Variants in NKAIN3 observed in about 807,000 individuals in gnomAD.
The protein encoded by NKAIN3 is sodium/potassium-transporting ATPase subunit beta-1-interacting protein 3.
A neutral mutation model predicts 30.2 loss-of-function variants in NKAIN3; 25 were observed. The observed-to-expected ratio is 0.83, with a 90% CI of 0.60 to 1.16. NKAIN3 has a LOEUF of 1.16. Among genes scored for constraint, NKAIN3 ranks in the 50% most tolerant of loss-of-function variants. NKAIN3 has a pLI of 0.00. For synonymous variants in NKAIN3, 91 were observed against 89.6 expected, an observed-to-expected ratio of 1.02 and a Z score of -0.09; for missense variants, 225 against 254.1, an observed-to-expected ratio of 0.89 and a Z score of 0.78.
chr8:62,701,372 C>A (rs2130468386), intron 3 of NKAIN3, among the ~76,000 whole-genome samples: 1 of 152,254 alleles, frequency 6.6e-6, no homozygotes, highest in Middle Eastern at 3.4e-3. Flanking sequence ...GCTTTAGTCA[C>A]GCTTTGTAAC....
intron 4 of NKAIN3, among the ~76,000 whole-genome samples, chr8:62,786,091 A>G (rs556040034): frequency 8.5e-4 from 130 of 152,170 alleles, no homozygotes; most frequent in Non-Finnish European, 1.6e-3. Flanking sequence ...CAACAAAAAG[A>G]AAAAAGTGCT....
chr8:62,823,052 G>T (rs1055068816), intron 4 of NKAIN3, among the ~76,000 whole-genome samples: 1 of 152,160 alleles, frequency 6.6e-6, no homozygotes, highest in African/African-American at 2.4e-5. Flanking sequence ...CACTTAGCAT[G>T]AGTGGAGCAT....
intron 4 of NKAIN3, among the ~76,000 whole-genome samples, chr8:62,899,488 C>A (rs1821535196): frequency 6.6e-6 from 1 of 152,020 alleles, no homozygotes; most frequent in African/African-American, 2.4e-5. Flanking sequence ...ATAAGCCAGG[C>A]ACAGAAAGAC....
intron 4 of NKAIN3, among the ~76,000 whole-genome samples, chr8:62,851,882 A>C (rs1379103149): frequency 6.6e-6 from 1 of 152,178 alleles, no homozygotes. Flanking sequence ...GGATTTTTGC[A>C]GCAATGTTCA....
rs141712429 is a variant in NKAIN3, at chr8:62,423,425, TTA to T, written c.55-156100_55-156099del. ...TCTCTATGTATATATAACATTCATA[TTA>T]TATATATATATATTATTTATACATA... On this transcript the variant is annotated intron_variant, in intron 1 of 6. Coordinates refer to ENST00000623646, the MANE Select transcript of NKAIN3 (RefSeq NM_001304533.3). Among the ~76,000 whole-genome samples the T allele has an allele frequency of 2.9e-3, 425 of 148,222 alleles. 3 individuals are homozygous for T. The highest frequency in any genetic ancestry group is 7.4e-3 in the African/African-American group (304 of 40,822).
rs150030746 is a variant in NKAIN3 at position 62,292,755 on chromosome 8, T to C, written c.54+43628T>C. Among the ~76,000 whole-genome samples the C allele has an allele frequency of 3.0e-3, 462 of 152,324 alleles. 4 individuals are homozygous for C. The highest frequency in any genetic ancestry group is 0.01 in the African/African-American group (428 of 41,580). On this transcript the variant is annotated intron_variant, in intron 1 of 6. Coordinates refer to ENST00000623646, the MANE Select transcript of NKAIN3 (RefSeq NM_001304533.3). ...TTGAATATCTTTGTGGTGTTCTCTGTATTTCCTGAATTTGAATGTTGGCCT... is the reference window on the plus strand; with the variant it reads ...TTGAATATCTTTGTGGTGTTCTCTGCATTTCCTGAATTTGAATGTTGGCCT...
intron 1 of NKAIN3, among the ~76,000 whole-genome samples, chr8:62,463,992 A>G (rs574868405): frequency 4.0e-5 from 6 of 149,388 alleles, no homozygotes; most frequent in Non-Finnish European, 9.0e-5. Context: ...GATACACACA[A>G]AACTGGGGAT....
chr8:62,510,295 G>T (rs1807779524), intron 1 of NKAIN3, among the ~76,000 whole-genome samples: 1 of 152,030 alleles, frequency 6.6e-6, no homozygotes, highest in South Asian at 2.1e-4. Context: ...AAACTGAAAG[G>T]GCATTAAGGG....
At chr8:62,864,141 GA>G in intron 4 of NKAIN3, 2 of 622,374 alleles carry the variant, frequency 3.2e-6, no homozygotes. Flanking sequence ...CGCGAGCGCG[GA>G]AACCAGCCGG....
At chr8:62,537,335 T>A (rs1808696332) in intron 1 of NKAIN3, among the ~76,000 whole-genome samples, 1 of 152,170 alleles carries the variant, frequency 6.6e-6, no homozygotes, top group African/African-American at 2.4e-5. Context: ...ACTTAGGGAA[T>A]ACCAATAAGG....
At chr8:62,906,158 C>A (rs1821768497) in intron 4 of NKAIN3, among the ~76,000 whole-genome samples, 2 of 152,132 alleles carry the variant, frequency 1.3e-5, no homozygotes, top group Non-Finnish European at 2.9e-5. Flanking sequence ...CTTGTGTTGC[C>A]CTCTGCACTG....
At chr8:62,987,520 G>A (rs1424904107), downstream of NKAIN3, among the ~76,000 whole-genome samples, 2 of 152,138 alleles carry the variant, frequency 1.3e-5, no homozygotes, top group Non-Finnish European at 2.9e-5. Context: ...GAGGAGCAAA[G>A]GCACGTCTTA....
chr8:62,257,286 C>T (rs747801729), intron 1 of NKAIN3, among the ~76,000 whole-genome samples: 39 of 152,168 alleles, frequency 2.6e-4, no homozygotes, highest in Non-Finnish European at 4.7e-4. Context: ...ATGACTTAAG[C>T]CTCCCTGACA....
intron 3 of NKAIN3, among the ~76,000 whole-genome samples, chr8:62,738,694 T>G (rs1815759712): frequency 6.6e-6 from 1 of 151,996 alleles, no homozygotes; most frequent in Non-Finnish European, 1.5e-5. Context: ...TCTTGTAAAT[T>G]TATTTAAGTT....
chr8:62,338,540 T>G (rs552255521), intron 1 of NKAIN3, among the ~76,000 whole-genome samples: 1 of 152,082 alleles, frequency 6.6e-6, no homozygotes, highest in Admixed American at 6.6e-5. Flanking sequence ...AATTTTAAGG[T>G]CAGCTCTTAT....
At chr8:62,707,501 T>A (rs1171365064) in intron 3 of NKAIN3, among the ~76,000 whole-genome samples, 2 of 152,184 alleles carry the variant, frequency 1.3e-5, no homozygotes, top group African/African-American at 4.8e-5. Flanking sequence ...TTTTTTCATA[T>A]GTTTGTTGGC....
chr8:62,560,729 T>C (rs1195111973), intron 1 of NKAIN3, among the ~76,000 whole-genome samples: 2 of 151,504 alleles, frequency 1.3e-5, no homozygotes, highest in South Asian at 2.1e-4. Flanking sequence ...TTAGTAGAGA[T>C]GGGGTTTCAC....
intron 1 of NKAIN3, among the ~76,000 whole-genome samples, chr8:62,398,481 A>C (rs1817836082): frequency 6.6e-6 from 1 of 152,260 alleles, no homozygotes; most frequent in African/African-American, 2.4e-5. Flanking sequence ...AAGAACTTCC[A>C]TTGCATAGGC....
chr8:62,844,953 C>A (rs1172439259), intron 4 of NKAIN3, among the ~76,000 whole-genome samples: 5 of 151,944 alleles, frequency 3.3e-5, no homozygotes, highest in African/African-American at 1.2e-4. Flanking sequence ...GTGCTCTGCA[C>A]CCTCCCGTTC....
Sources: allele counts gnomAD v4.1 joint callset (sites outside exome capture counted in the v4.1 genomes callset), GRCh38; gene constraint gnomAD v4.1.1; transcripts MANE v1.5; gene names NCBI Gene and HGNC (gene_info 2026-07-23, HGNC 2026-07-21).